Variants in PPP1R12B observed in about 807,000 individuals in gnomAD.
The protein encoded by PPP1R12B is myosin phosphatase target subunit 2.
Under a neutral mutation model 126.1 loss-of-function variants are expected in PPP1R12B, and 76 were observed. The ratio of observed to expected loss-of-function variants is 0.60; its 90% CI spans 0.50 to 0.73. PPP1R12B has a LOEUF of 0.73. PPP1R12B is among the 30% of genes least tolerant of loss of function. The pLI is 0.00. For missense variants in PPP1R12B, 1,052 were observed against 1,205.1 expected (o/e 0.87, Z 1.88); for synonymous variants, 356 against 434.7 (o/e 0.82, Z 2.25).
intron 18 of PPP1R12B, among the ~76,000 whole-genome samples, chr1:202,524,621 T>G (rs1459887722): frequency 6.6e-6 from 1 of 152,172 alleles, no homozygotes; most frequent in Non-Finnish European, 1.5e-5. Flanking sequence ...TAATGTTTGG[T>G]TTTCAGTTCC....
At chr1:202,506,877 T>G (rs1023181775) in intron 18 of PPP1R12B, among the ~76,000 whole-genome samples, 1 of 152,178 alleles carries the variant, frequency 6.6e-6, no homozygotes, top group Non-Finnish European at 1.5e-5. Context: ...TAAAAATTCA[T>G]AGGGCTACTT....
chr1:202,429,347 T>G (rs184693785), intron 6 of PPP1R12B, among the ~76,000 whole-genome samples: 1 of 152,238 alleles, frequency 6.6e-6, no homozygotes, highest in Non-Finnish European at 1.5e-5. Context: ...GAGAAGAATA[T>G]ATTTCTTAAA....
chr1:202,428,964 A>C (rs1362591492), intron 6 of PPP1R12B, 35 bp downstream of exon 6: 1 of 1,549,178 alleles, frequency 6.5e-7, no homozygotes, highest in East Asian at 2.3e-5. Context: ...AAAGTTTTCT[A>C]ATAGTTTGCA....
intron 18 of PPP1R12B, among the ~76,000 whole-genome samples, chr1:202,549,684 C>T (rs1329727862): frequency 6.6e-6 from 1 of 152,130 alleles, no homozygotes; most frequent in African/African-American, 2.4e-5. Context: ...TCCCAAAGTG[C>T]TGGTATTACA....
intron 18 of PPP1R12B, among the ~76,000 whole-genome samples, chr1:202,533,924 A>G (rs924143500): frequency 1.2e-4 from 18 of 152,068 alleles, no homozygotes; most frequent in Non-Finnish European, 2.6e-4. Flanking sequence ...TTTCTCCTCT[A>G]CTTTTACCCA....
intron 13 of PPP1R12B, among the ~76,000 whole-genome samples, chr1:202,475,870 T>A (rs760384395): frequency 1.1e-4 from 16 of 151,980 alleles, no homozygotes. Flanking sequence ...TTTTGGGATC[T>A]CTGAAGAACT....
intron 8 of PPP1R12B, 53 bp from the exon 9 acceptor site, chr1:202,434,602 CA>C: frequency 6.4e-7 from 1 of 1,571,670 alleles, no homozygotes. Context: ...GACATAGACA[CA>C]AAGATAAGAT....
chr1:202,482,509 A>G (rs573167759), intron 13 of PPP1R12B, among the ~76,000 whole-genome samples: 298 of 152,240 alleles, frequency 2.0e-3, no homozygotes, highest in Non-Finnish European at 3.7e-3. Context: ...ATTTTTTCAT[A>G]TACTCATTAG....
chr1:202,540,059 G>T (rs553378283), intron 18 of PPP1R12B: 1 of 1,458,430 alleles, frequency 6.9e-7, no homozygotes, highest in Admixed American at 2.3e-5. Flanking sequence ...GAGAGATTCT[G>T]TGAGGGTAAC....
At chr1:202,477,730 G>T (rs149708269) in intron 13 of PPP1R12B, among the ~76,000 whole-genome samples, 1 of 152,088 alleles carries the variant, frequency 6.6e-6, no homozygotes, top group African/African-American at 2.4e-5. Context: ...GTGTGAAGGG[G>T]CAGTATAAAC....
intron 10 of PPP1R12B, chr1:202,439,388 C>A: frequency 7.9e-7 from 1 of 1,267,850 alleles, no homozygotes; most frequent in Non-Finnish European, 1.1e-6. Flanking sequence ...TGAAGAAGCA[C>A]GCGGCACAGC....
At chr1:202,489,437 A>T (rs1678580084) in intron 14 of PPP1R12B, among the ~76,000 whole-genome samples, 1 of 152,264 alleles carries the variant, frequency 6.6e-6, no homozygotes, top group African/African-American at 2.4e-5. Context: ...ATTATTCATA[A>T]TAGCCAAAAA....
intron 1 of PPP1R12B, among the ~76,000 whole-genome samples, chr1:202,403,194 A>G (rs928393380): frequency 1.7e-4 from 26 of 152,218 alleles, no homozygotes; most frequent in Non-Finnish European, 3.4e-4. Context: ...TGTTCTGCCT[A>G]AAGAAGGCAG....
At chr1:202,413,973 G>A (rs1028548348) in intron 1 of PPP1R12B, among the ~76,000 whole-genome samples, 1 of 152,112 alleles carries the variant, frequency 6.6e-6, no homozygotes, top group African/African-American at 2.4e-5. Context: ...CCAGGCTGGA[G>A]TGCAGTGGTG....
chr1:202,407,502 G>A lies in PPP1R12B; in HGVS notation c.292-9285G>A, dbSNP rs1262947067. ...TGTGTCCAGAGCCTGCCTGACCACT[G>A]AGTACATAATCAGATATAGTTCTCA... is the stretch of plus-strand genomic sequence containing the variant. On this transcript the variant is annotated intron_variant, in intron 1 of 23. Coordinates refer to ENST00000608999, the MANE Select transcript of PPP1R12B (RefSeq NM_002481.4). Among the ~76,000 whole-genome samples the A allele has an allele frequency of 2.6e-5, 4 of 152,210 alleles. No homozygotes were observed. The South Asian group carries it at 6.2e-4, about 24-fold the overall frequency.
chr1:202,558,637 C>T, intron 18 of PPP1R12B: 1 of 457,650 alleles, frequency 2.2e-6, no homozygotes, highest in Non-Finnish European at 3.9e-6. Flanking sequence ...GGTGCTATCC[C>T]TAATGCCTCA....
rs565556072 is a variant in PPP1R12B at position 202,377,325 on chromosome 1, T to C, written c.291+28183T>C. On this transcript the variant is annotated intron_variant, in intron 1 of 23. Transcript: ENST00000608999. ...AATGTGAGAAGGGTAGTATCTTTTT[T>C]TTTTTTTCGCTCTGTCGCCCAGGCT... is the stretch of plus-strand genomic sequence containing the variant. 9.9e-5 allele frequency among the ~76,000 whole-genome samples: 15 copies of C among 151,756 alleles called. No homozygotes were observed. In the South Asian group the frequency reaches 3.1e-3, roughly 32 times the overall value.
chr1:202,405,614 AGTT>A (rs1387972904), intron 1 of PPP1R12B, among the ~76,000 whole-genome samples: 1 of 152,190 alleles, frequency 6.6e-6, no homozygotes, highest in Non-Finnish European at 1.5e-5. Flanking sequence ...TCCATGAAGT[AGTT>A]CTTATGATTG....
intron 19 of PPP1R12B, among the ~76,000 whole-genome samples, chr1:202,561,356 T>C (rs1462716795): frequency 6.6e-6 from 1 of 151,494 alleles, no homozygotes; most frequent in Non-Finnish European, 1.5e-5. Flanking sequence ...TAAATTATCT[T>C]ACAGGCATGT....
Sources: allele counts gnomAD v4.1 joint callset (sites outside exome capture counted in the v4.1 genomes callset), GRCh38; gene constraint gnomAD v4.1.1; transcripts MANE v1.5; gene names NCBI Gene and HGNC (gene_info 2026-07-23, HGNC 2026-07-21).